The following SMG6 variants were observed in gnomAD, a reference collection of about 807,000 sequenced individuals.
The protein encoded by SMG6 is telomerase-binding protein EST1A.
A neutral mutation model predicts 142.2 loss-of-function variants in SMG6; 66 were observed. That is an observed-to-expected ratio of 0.46 (90% confidence interval 0.38 to 0.57). The LOEUF (loss-of-function observed/expected upper bound fraction) is 0.57. SMG6 is among the 20% of genes least tolerant of loss of function. The pLI is 0.00. For synonymous variants in SMG6, 779 were observed against 702.4 expected, an observed-to-expected ratio of 1.11 and a Z score of -1.72; for missense variants, 1,793 against 1,832.0, an observed-to-expected ratio of 0.98 and a Z score of 0.39.
At chr17:2,147,738 C>T (rs761348004) in intron 13 of SMG6, among the ~76,000 whole-genome samples, 1 of 152,176 alleles carries the variant, frequency 6.6e-6, no homozygotes, top group Non-Finnish European at 1.5e-5. Flanking sequence ...ATCAAAACCA[C>T]AGTGCAATAC....
chr17:2,254,897 G>C (rs1269186696), intron 8 of SMG6, among the ~76,000 whole-genome samples: 1 of 152,226 alleles, frequency 6.6e-6, no homozygotes, highest in Non-Finnish European at 1.5e-5. Context: ...TATCCTCTCA[G>C]AGGAAAAGAC....
chr17:2,186,784 C>T lies in SMG6; in HGVS notation c.3034G>A (p.Val1012Met). 6.2e-7 allele frequency: 1 copy of T among 1,614,206 alleles called. No individual in the cohort carries two copies. Among genetic ancestry groups the T allele is most frequent in the Non-Finnish European group, 8.5e-7 (1 of 1,180,034 alleles). Residue 1012 changes from valine to methionine, a missense_variant, in exon 12 of 19, where the codon GTG becomes ATG. This residue lies in a region of SMG6 where 1,597 missense variants were observed against 1,584.6 expected (regional missense o/e 1.01). Transcript: ENST00000263073. ...EDQDDQDDIK[V>M]SSFVPDLKEL... is the part of the protein sequence containing the mutation. The stretch of plus-strand genomic sequence containing the variant: ...TTCAGGTCCGGGACAAAGGAAGACA[C>T]CTTGATGTCGTCTTGGTCATCCTGG...
At position 2,068,986 on chromosome 17, in the gene SMG6, G is replaced by A. The variant is rs2068025061; in HGVS notation, c.3682-55C>T. 8 of 1,584,322 alleles carry A rather than the reference G, an allele frequency of 5.0e-6. No homozygotes were observed. The highest frequency in any genetic ancestry group is 2.7e-5 in the African/African-American group (2 of 74,438). On this transcript the variant is annotated intron_variant, in intron 15 of 18. Transcript: ENST00000263073. The surrounding 1 kb of genome is among the most constrained non-coding windows in gnomAD (Gnocchi z 6.7). ...ACAGCGAGCAGGCAAGCAGGTGGGT[G>A]AGCCAGGGCCCTGACACTACGGTGT...
intron 15 of SMG6, among the ~76,000 whole-genome samples, chr17:2,070,972 C>T (rs1026646676): frequency 4.6e-5 from 7 of 152,224 alleles, no homozygotes; most frequent in South Asian, 4.1e-4. Flanking sequence ...TCAGCACTCT[C>T]GTTCCTCATT....
intron 13 of SMG6, among the ~76,000 whole-genome samples, chr17:2,118,278 C>G (rs2069569777): frequency 6.6e-6 from 1 of 152,138 alleles, no homozygotes; most frequent in African/African-American, 2.4e-5. Flanking sequence ...TGGCTCATGC[C>G]TGTAATCCCA....
At chr17:2,135,326 G>C (rs1380270101) in intron 13 of SMG6, among the ~76,000 whole-genome samples, 2 of 152,112 alleles carry the variant, frequency 1.3e-5, no homozygotes, top group East Asian at 1.9e-4. Context: ...TTTGTGGTGA[G>C]AACATTAAAA....
rs767800204 is a variant in SMG6, at chr17:2,300,192, C to T, written c.561G>A (p.Ala187=). The T allele has an allele frequency of 1.9e-6, 3 of 1,613,986 alleles. No homozygotes were observed. The highest frequency in any genetic ancestry group is 2.5e-6 in the Non-Finnish European group (3 of 1,179,938). Residue 187 remains alanine (A), a synonymous_variant, in exon 2 of 19, where the codon GCG becomes GCA. Transcript: ENST00000263073. ...CTGGTTTATTCGCAACTTCCTCCTTCGCAACATTTCCCCTACACTCATCTT... is the reference window on the plus strand; with the variant it reads ...CTGGTTTATTCGCAACTTCCTCCTTTGCAACATTTCCCCTACACTCATCTT... ...VEEDECRGNV[A]KEEVANKPDR... is the part of the protein sequence containing the mutation.
At chr17:2,253,565 T>C (rs1441799797) in intron 8 of SMG6, among the ~76,000 whole-genome samples, 1 of 152,170 alleles carries the variant, frequency 6.6e-6, no homozygotes, top group Non-Finnish European at 1.5e-5. Context: ...ACGATTCTCA[T>C]GAGCTAAGAG....
At chr17:2,153,456 ATG>A (rs2070888155) in intron 13 of SMG6, among the ~76,000 whole-genome samples, 1 of 152,248 alleles carries the variant, frequency 6.6e-6, no homozygotes, top group Admixed American at 6.5e-5. Flanking sequence ...ACATGAAAGT[ATG>A]TGTTTCTCAA....
At chr17:2,272,307 C>G (rs1250724372) in intron 8 of SMG6, among the ~76,000 whole-genome samples, 2 of 152,194 alleles carry the variant, frequency 1.3e-5, no homozygotes, top group Non-Finnish European at 2.9e-5. Flanking sequence ...TTCCAGGAAG[C>G]CTTCTGAATT....
intron 12 of SMG6, among the ~76,000 whole-genome samples, chr17:2,179,144 T>G (rs1000510505): frequency 6.6e-6 from 1 of 152,154 alleles, no homozygotes. Context: ...CAGGCTGCAG[T>G]GCTAACGCCC....
chr17:2,291,898 T>C (rs1210045131), intron 6 of SMG6, among the ~76,000 whole-genome samples: 1 of 148,778 alleles, frequency 6.7e-6, no homozygotes, highest in Non-Finnish European at 1.5e-5. Context: ...TCCTTGCTAA[T>C]GAGCATCTTA....
At chr17:2,143,698 C>CT (rs561215999) in intron 13 of SMG6, among the ~76,000 whole-genome samples, 33 of 152,192 alleles carry the variant, frequency 2.2e-4, no homozygotes, top group African/African-American at 7.7e-4. Flanking sequence ...GAATTGTGTA[C>CT]TTTAAAAGGT....
At chr17:2,263,859 G>A (rs2074367753) in intron 8 of SMG6, among the ~76,000 whole-genome samples, 1 of 152,148 alleles carries the variant, frequency 6.6e-6, no homozygotes, top group South Asian at 2.1e-4. Context: ...GATCTAAGAT[G>A]TTGAAAAGAG....
At chr17:2,167,852 T>C (rs1183158319) in intron 13 of SMG6, among the ~76,000 whole-genome samples, 1 of 152,144 alleles carries the variant, frequency 6.6e-6, no homozygotes, top group Non-Finnish European at 1.5e-5. Context: ...CTGGAGGAAA[T>C]GTTTATATTT....
chr17:2,068,934 A>T lies in SMG6; in HGVS notation c.3682-3T>A, dbSNP rs763468223. ...TGACTGTGGTCCTCCAGGACAGCCT[A>T]TGGGGACAGAGTGGTGAATGAGCCA... On this transcript the variant is annotated splice_polypyrimidine_tract_variant and splice_region_variant and intron_variant, in intron 15 of 18. Transcript: ENST00000263073. This position sits in a 1 kb window ranked among gnomAD's most constrained non-coding sequence, Gnocchi z 6.7. 1 of 1,613,954 alleles carries T rather than the reference A, an allele frequency of 6.2e-7. No individual in the cohort carries two copies. The highest frequency in any genetic ancestry group is 2.2e-5 in the East Asian group (1 of 44,876).
chr17:2,126,315 C>G (rs1229965421), intron 13 of SMG6, among the ~76,000 whole-genome samples: 1 of 151,980 alleles, frequency 6.6e-6, no homozygotes, highest in Non-Finnish European at 1.5e-5. Context: ...GGATCAAAGA[C>G]CTAAAAAGAG....
At chr17:2,210,596 G>A (rs2072821448) in intron 10 of SMG6, among the ~76,000 whole-genome samples, 1 of 152,106 alleles carries the variant, frequency 6.6e-6, no homozygotes, top group African/African-American at 2.4e-5. Flanking sequence ...TGGGGAAAGA[G>A]AAAGAGGAGG....
At chr17:2,176,184 G>A (rs1184256152) in intron 12 of SMG6, among the ~76,000 whole-genome samples, 1 of 152,166 alleles carries the variant, frequency 6.6e-6, no homozygotes, top group African/African-American at 2.4e-5. Context: ...AGTTCTGTGG[G>A]TGCACATAGG....
Sources: gnomAD v4.1 joint callset for allele counts (sites outside exome capture counted in the v4.1 genomes callset) on GRCh38, gnomAD v4.1.1 for gene constraint, gnomAD v4.1.1 regional missense constraint, Gnocchi (gnomAD v3.1) non-coding constraint, MANE v1.5 for transcripts, NCBI Gene and HGNC (gene_info 2026-07-23, HGNC 2026-07-21) for gene names.